Variants in ARB2A observed in about 807,000 individuals in gnomAD.
The protein encoded by ARB2A is cotranscriptional regulator ARB2A.
the ARB2A span, among the ~76,000 whole-genome samples, chr5:93,830,311 G>GTGTGTATATATATATA: frequency 1.2e-5 from 1 of 82,260 alleles, no homozygotes; most frequent in African/African-American, 5.2e-5. Context: ...GTGTGTGTGT[G>GTGTGTATATATATATA]TATATATATA....
At chr5:93,781,652 A>G in the ARB2A span, among the ~76,000 whole-genome samples, 1 of 151,888 alleles carries the variant, frequency 6.6e-6, no homozygotes, top group African/African-American at 2.4e-5. Context: ...CATTCCCACC[A>G]ACAGTGTATA....
chr5:93,630,894 CT>C, the ARB2A span, among the ~76,000 whole-genome samples: 1 of 151,796 alleles, frequency 6.6e-6, no homozygotes, highest in Non-Finnish European at 1.5e-5. Flanking sequence ...AAACTTATTC[CT>C]TTTTTTTCCT....
the ARB2A span, among the ~76,000 whole-genome samples, chr5:93,815,907 T>C: frequency 1.3e-5 from 2 of 152,148 alleles, no homozygotes; most frequent in African/African-American, 4.8e-5. Context: ...TCACCTTCTA[T>C]TCCCTCTAAA....
At chr5:94,055,098 A>C in the ARB2A span, among the ~76,000 whole-genome samples, 1 of 152,204 alleles carries the variant, frequency 6.6e-6, no homozygotes, top group African/African-American at 2.4e-5. Context: ...AGGATGAGGC[A>C]AAAGTTCTCA....
the ARB2A span, among the ~76,000 whole-genome samples, chr5:93,796,855 T>C: frequency 6.6e-5 from 10 of 152,328 alleles, no homozygotes; most frequent in East Asian, 1.9e-3. Flanking sequence ...TTGAAAGGTT[T>C]ATTTGAGATA....
chr5:94,068,021 C>A, the ARB2A span, among the ~76,000 whole-genome samples: 1 of 152,190 alleles, frequency 6.6e-6, no homozygotes, highest in Admixed American at 6.5e-5. Context: ...AATCCCAGCA[C>A]TTTGGGAGGC....
At chr5:93,722,762 A>C in the ARB2A span, among the ~76,000 whole-genome samples, 3 of 152,116 alleles carry the variant, frequency 2.0e-5, no homozygotes, top group Admixed American at 2.0e-4. Flanking sequence ...CTTATCCTTT[A>C]ACTGCATTAG....
the ARB2A span, among the ~76,000 whole-genome samples, chr5:93,801,867 T>A: frequency 1.3e-5 from 2 of 152,070 alleles, no homozygotes; most frequent in Non-Finnish European, 2.9e-5. Flanking sequence ...ATGGCTAAAG[T>A]GGAATGGCCA....
At chr5:93,978,340 A>C in the ARB2A span, among the ~76,000 whole-genome samples, 1 of 152,208 alleles carries the variant, frequency 6.6e-6, no homozygotes, top group South Asian at 2.1e-4. Flanking sequence ...ACTATTCACA[A>C]TAGCAAAGAC....
chr5:93,984,052 TAATC>T, the ARB2A span, among the ~76,000 whole-genome samples: 4 of 152,186 alleles, frequency 2.6e-5, no homozygotes, highest in Non-Finnish European at 5.9e-5. Flanking sequence ...AATTTAAACA[TAATC>T]TATAGAATAA....
At chr5:93,906,615 G>A in the ARB2A span, among the ~76,000 whole-genome samples, 2 of 151,326 alleles carry the variant, frequency 1.3e-5, no homozygotes, top group African/African-American at 4.8e-5. Flanking sequence ...CAAAATGACA[G>A]AAAAAAATTC....
chr5:93,972,645 G>C, the ARB2A span, among the ~76,000 whole-genome samples: 1 of 152,062 alleles, frequency 6.6e-6, no homozygotes, highest in Non-Finnish European at 1.5e-5. Context: ...TCAGAATATG[G>C]GTGGCAAAGA....
the ARB2A span, among the ~76,000 whole-genome samples, chr5:93,889,760 T>C: frequency 6.6e-6 from 1 of 151,834 alleles, no homozygotes; most frequent in Non-Finnish European, 1.5e-5. Context: ...ACATGAAACA[T>C]ATAAAAATTC....
chr5:94,033,364 T>C, the ARB2A span, among the ~76,000 whole-genome samples: 1 of 152,078 alleles, frequency 6.6e-6, no homozygotes, highest in Non-Finnish European at 1.5e-5. Context: ...GACTTATGAA[T>C]TGGTGCTGGA....
the ARB2A span, chr5:93,865,635 A>G: frequency 5.1e-6 from 5 of 985,226 alleles, no homozygotes; most frequent in East Asian, 4.5e-4. Flanking sequence ...TAATCTGGCC[A>G]TTTACTTCCT....
the ARB2A span, among the ~76,000 whole-genome samples, chr5:94,087,366 A>G: frequency 6.6e-6 from 1 of 152,088 alleles, no homozygotes; most frequent in Admixed American, 6.6e-5. Context: ...ATGATCACCC[A>G]CTGCACTCCA....
chr5:93,815,887 T>C, the ARB2A span, among the ~76,000 whole-genome samples: 9 of 152,322 alleles, frequency 5.9e-5, no homozygotes, highest in East Asian at 1.7e-3. Flanking sequence ...TATAACTCCC[T>C]GGTGAGAGCT....
the ARB2A span, chr5:93,741,437 T>C: frequency 6.2e-7 from 1 of 1,613,414 alleles, no homozygotes; most frequent in Non-Finnish European, 8.5e-7. Context: ...ACCATCACCC[T>C]GCCAGGGGCC....
chr5:94,078,367 T>C, the ARB2A span, among the ~76,000 whole-genome samples: 11 of 152,264 alleles, frequency 7.2e-5, no homozygotes, highest in East Asian at 1.7e-3. Flanking sequence ...GTAAATAGAA[T>C]TGGCACAAGG....
Sources: allele counts gnomAD v4.1 joint callset (sites outside exome capture counted in the v4.1 genomes callset), GRCh38; gene constraint gnomAD v4.1.1; transcripts MANE v1.5; gene names NCBI Gene and HGNC (gene_info 2026-07-23, HGNC 2026-07-21).